Variants in NETO1 observed in about 807,000 individuals in gnomAD.
NETO1 encodes the protein neuropilin and tolloid like 1.
A neutral mutation model predicts 61.3 loss-of-function variants in NETO1; 26 were observed. The ratio of observed to expected loss-of-function variants is 0.42; its 90% CI spans 0.31 to 0.59. The LOEUF (loss-of-function observed/expected upper bound fraction) is 0.59. Among genes scored for constraint, NETO1 ranks in the 20% least tolerant of loss-of-function variants. NETO1 has a pLI of 0.12. For synonymous variants in NETO1, 225 were observed against 225.8 expected (o/e 1.00, Z 0.03); for missense variants, 531 against 662.8 (o/e 0.80, Z 2.18).
intron 4 of NETO1, among the ~76,000 whole-genome samples, chr18:72,829,417 T>C (rs1302850250): frequency 6.6e-6 from 1 of 151,984 alleles, no homozygotes; most frequent in Non-Finnish European, 1.5e-5. Context: ...TCTAATATAC[T>C]CCAATCAGTT....
rs1161801561 is a variant in NETO1 at position 72,746,888 on chromosome 18, T to A, written c.*1291A>T. Among the ~76,000 whole-genome samples the A allele has an allele frequency of 6.6e-6, 1 of 152,056 alleles. No individual in the cohort carries two copies. The highest frequency in any genetic ancestry group is 2.4e-5 in the African/African-American group (1 of 41,450). On this transcript the variant is annotated 3_prime_UTR_variant, in exon 11 of 11. Coordinates refer to ENST00000327305, the MANE Select transcript of NETO1 (RefSeq NM_138966.5). ...GAGTGTGTATATAATTTAATAGCAG[T>A]AAAATATATTTTAGGATTTTACTTT...
rs577412595 is a variant in NETO1, at chr18:72,792,197, C to T, written c.639+1920G>A. On this transcript the variant is annotated intron_variant, in intron 6 of 10. Transcript: ENST00000327305. ...CTATAATCCTAGCACTTTGGGAGGC[C>T]GATGTGGGCAGATCACCTGAGATCA... is the stretch of plus-strand genomic sequence containing the variant. Among the ~76,000 whole-genome samples the T allele has an allele frequency of 7.9e-5, 12 of 152,158 alleles. No homozygotes were observed. The East Asian group carries it at 1.7e-3, about 22-fold the overall frequency.
rs146863083 is a variant in NETO1, at chr18:72,816,051, A to ATC, written c.470-21649_470-21648dup. ...GAATTTTTAATCAGAATTAGGATCG[A>ATC]TCTCTCTCTCTCTCTCTCTCCCTCT... On this transcript the variant is annotated intron_variant, in intron 4 of 10. Transcript: ENST00000327305. Among the ~76,000 whole-genome samples, 71 of 144,586 alleles carry ATC rather than the reference A, an allele frequency of 4.9e-4. 1 individual carries two copies. The highest frequency in any genetic ancestry group is 1.1e-3 in the African/African-American group (44 of 39,266). 94.9% of individuals were successfully genotyped at this position (144,586 alleles called of 152,430 possible).
chr18:72,859,025 A>T lies in NETO1; in HGVS notation c.270T>A (p.Ile90=), dbSNP rs1233424954. 3.7e-6 allele frequency: 6 copies of T among 1,613,542 alleles called. No homozygotes were observed. In the Admixed American group the frequency reaches 1.0e-4, roughly 27 times the overall value. The change falls in exon 4 of 11, where the codon ATT becomes ATA. Residue 90 remains isoleucine (I), a synonymous_variant. Transcript: ENST00000327305. ...CAAATTTGCACTCCCAAGACGGTTC[A>T]ATAGAGTACTTTTCATCAAAGTAAA... The part of the protein sequence containing the change: ...IELYFDEKYS[I]EPSWECKFDH...
At position 72,763,212 on chromosome 18, in the gene NETO1, T is replaced by A. The variant is rs545341529; in HGVS notation, c.869-7065A>T. Among the ~76,000 whole-genome samples the A allele has an allele frequency of 5.7e-4, 87 of 152,258 alleles. No homozygotes were observed. The Middle Eastern group carries it at 0.017, about 30-fold the overall frequency. ...CACATTGAAATAAAAACAGGCAGAT[T>A]TGAGACACTGATGTTTCAACTATCC... On this transcript the variant is annotated intron_variant, in intron 7 of 10. Transcript: ENST00000327305.
At chr18:72,779,289 AT>A (rs2071660188) in intron 7 of NETO1, among the ~76,000 whole-genome samples, 2 of 151,000 alleles carry the variant, frequency 1.3e-5, no homozygotes, top group South Asian at 4.1e-4. Context: ...TATTAAATGT[AT>A]AATTATATAT....
At position 72,797,125 on chromosome 18, in the gene NETO1, A is replaced by C. The variant is rs149578719; in HGVS notation, c.470-2721T>G. Among the ~76,000 whole-genome samples the C allele has an allele frequency of 3.3e-4, 51 of 152,264 alleles. No individual in the cohort carries two copies. In the East Asian group the frequency reaches 9.3e-3, roughly 28 times the overall value. On this transcript the variant is annotated intron_variant, in intron 4 of 10. Transcript: ENST00000327305. Reference sequence around the variant, plus strand: ...CTTCTTACTATTAAGAATAATGCTTAATTATATTCATAATTAATACTCATT... The same window carrying C: ...CTTCTTACTATTAAGAATAATGCTTCATTATATTCATAATTAATACTCATT...
intron 8 of NETO1, among the ~76,000 whole-genome samples, chr18:72,753,380 C>A (rs11875319): frequency 0.13 from 20,199 of 152,014 alleles, 1,560 homozygotes; most frequent in Middle Eastern, 0.19. Context: ...AAAAGCAATA[C>A]AAAATAAAAC....
intron 4 of NETO1, among the ~76,000 whole-genome samples, chr18:72,813,234 A>C (rs749826136): frequency 6.6e-6 from 1 of 152,204 alleles, no homozygotes; most frequent in Non-Finnish European, 1.5e-5. Context: ...CTGCACCTCA[A>C]ATACGTAAGA....
At chr18:72,811,438 T>C (rs2072863462) in intron 4 of NETO1, among the ~76,000 whole-genome samples, 1 of 152,220 alleles carries the variant, frequency 6.6e-6, no homozygotes, top group South Asian at 2.1e-4. Context: ...ACAAACTACC[T>C]TTCATTGATC....
At chr18:72,865,591 C>G (rs1182936262) in intron 1 of NETO1, 1 of 1,606,874 alleles carries the variant, frequency 6.2e-7, no homozygotes, top group South Asian at 1.1e-5. Context: ...AATGGCTCTG[C>G]CAGCATCTCT....
At chr18:72,748,397 T>C in intron 10 of NETO1, 1 of 579,938 alleles carries the variant, frequency 1.7e-6, no homozygotes, top group South Asian at 7.6e-5. Context: ...TGATATCTGA[T>C]GACAAAATCG....
chr18:72,858,785 T>C, intron 4 of NETO1, 41 bp downstream of exon 4: 5 of 1,539,706 alleles, frequency 3.2e-6, no homozygotes, highest in Admixed American at 2.1e-5. Flanking sequence ...GATAGAAAAA[T>C]GAGGAAGAAA....
rs2145064533 is a variant in NETO1, at chr18:72,748,182, T to C, written c.*15-18A>G. 3 of 983,068 alleles carry C rather than the reference T, an allele frequency of 3.1e-6. No individual in the cohort carries two copies. The highest frequency in any genetic ancestry group is 1.7e-5 in the African/African-American group (1 of 57,284). The allele number at this position is 983,068 out of a possible 1,614,324, so 60.9% of individuals were successfully genotyped here. On this transcript the variant is annotated intron_variant, in intron 10 of 10. Transcript: ENST00000327305. ...GTTCTTCTCTGAAAATAAAAAACAG[T>C]TAAAACATTTTCTCCCAATGAAAAA...
intron 1 of NETO1, chr18:72,866,906 G>T: frequency 3.8e-6 from 2 of 526,324 alleles, no homozygotes; most frequent in South Asian, 8.6e-5. Flanking sequence ...GACTCCTCTG[G>T]CCCCACTAGG....
At chr18:72,835,226 C>T (rs770387172) in intron 4 of NETO1, 103 of 1,475,702 alleles carry the variant, frequency 7.0e-5, no homozygotes, top group Non-Finnish European at 9.0e-5. Flanking sequence ...GTTAGATCAA[C>T]GTTCTGGGCA....
chr18:72,866,745 C>T, intron 1 of NETO1: 9 of 989,226 alleles, frequency 9.1e-6, no homozygotes, highest in Non-Finnish European at 1.1e-5. Context: ...TTACCACACA[C>T]CCATAAAGCG....
At chr18:72,763,583 CCACA>C (rs1015195497) in intron 7 of NETO1, among the ~76,000 whole-genome samples, 1 of 138,794 alleles carries the variant, frequency 7.2e-6, no homozygotes, top group Non-Finnish European at 1.6e-5. Flanking sequence ...AACTCATACA[CCACA>C]CACACACTCA....
intron 7 of NETO1, among the ~76,000 whole-genome samples, chr18:72,776,939 A>G (rs1047754166): frequency 6.6e-6 from 1 of 152,228 alleles, no homozygotes; most frequent in African/African-American, 2.4e-5. Context: ...TAAAGCAGGT[A>G]TGAGTGAGGC....
Sources: gnomAD v4.1 joint callset for allele counts (sites outside exome capture counted in the v4.1 genomes callset) on GRCh38, gnomAD v4.1.1 for gene constraint, MANE v1.5 for transcripts, NCBI Gene and HGNC (gene_info 2026-07-23, HGNC 2026-07-21) for gene names.